MTBP: variants seen among roughly 807,000 people sequenced by gnomAD.
MTBP encodes MDM2 binding protein, also known as mdm2-binding protein.
In MTBP, 101 loss-of-function variants were observed where a neutral mutation model predicts 117.0. That is an observed-to-expected ratio of 0.86 (90% CI 0.73 to 1.02). MTBP has a LOEUF of 1.02. MTBP is among the 50% of genes least tolerant of loss of function. The probability of loss-of-function intolerance (pLI) is 0.00; values close to 1 mark genes in which losing one functional copy is unlikely to be tolerated. For synonymous variants in MTBP, 350 were observed against 351.5 expected (o/e 1.00, Z 0.05); for missense variants, 970 against 1,030.9 (o/e 0.94, Z 0.81).
intron 16 of MTBP, among the ~76,000 whole-genome samples, chr8:120,507,882 A>G (rs1310345403): frequency 6.6e-6 from 1 of 152,102 alleles, no homozygotes; most frequent in Non-Finnish European, 1.5e-5. Context: ...GTTTTCATCT[A>G]TTTAGTTATT....
At chr8:120,465,420 A>G (rs1211212805) in intron 10 of MTBP, among the ~76,000 whole-genome samples, 1 of 152,172 alleles carries the variant, frequency 6.6e-6, no homozygotes, top group Non-Finnish European at 1.5e-5. Context: ...CAGAGTTGTA[A>G]TAAAAACCAA....
chr8:120,447,515 C>G (rs1172635504), intron 2 of MTBP, among the ~76,000 whole-genome samples: 1 of 151,890 alleles, frequency 6.6e-6, no homozygotes, highest in African/African-American at 2.4e-5. Context: ...TTTTACTTCC[C>G]CCTTGCGTGT....
chr8:120,506,702 C>T lies in MTBP; in HGVS notation c.1728-4C>T, dbSNP rs1814693375. The T allele has an allele frequency of 3.1e-6, 5 of 1,589,988 alleles. No individual in the cohort carries two copies. Among genetic ancestry groups the T allele is most frequent in the African/African-American group, 1.4e-5 (1 of 73,650 alleles). On this transcript the variant is annotated splice_region_variant and splice_polypyrimidine_tract_variant and intron_variant, in intron 15 of 21. Coordinates refer to ENST00000305949, the MANE Select transcript of MTBP (RefSeq NM_022045.5). ...AATAAATCTGCATAACATTATTTTC[C>T]CAGAACTGGTTCATTACCTCATTCA...
chr8:120,454,672 T>A (rs1422799768), intron 5 of MTBP, among the ~76,000 whole-genome samples: 1 of 152,006 alleles, frequency 6.6e-6, no homozygotes, highest in African/African-American at 2.4e-5. Flanking sequence ...TTCAAGGAGA[T>A]CATATATTAG....
chr8:120,462,009 A>G (rs778431544), intron 9 of MTBP, among the ~76,000 whole-genome samples: 1 of 152,142 alleles, frequency 6.6e-6, no homozygotes, highest in African/African-American at 2.4e-5. Context: ...CCAGCTGAGA[A>G]CTGTTTGTAG....
At chr8:120,446,152 TG>T (rs1813222685) in intron 1 of MTBP, among the ~76,000 whole-genome samples, 1 of 152,232 alleles carries the variant, frequency 6.6e-6, no homozygotes, top group South Asian at 2.1e-4. Context: ...TATGTGGTTG[TG>T]TATAAGGTAT....
chr8:120,473,221 A>T (rs1405550034), intron 11 of MTBP: 1 of 151,910 alleles, frequency 6.6e-6, no homozygotes, highest in Non-Finnish European at 1.5e-5. Context: ...TGTTATTTTT[A>T]AATTTTTTTT....
intron 10 of MTBP, among the ~76,000 whole-genome samples, chr8:120,465,711 G>T (rs892010735): frequency 2.0e-4 from 29 of 145,692 alleles, no homozygotes; most frequent in African/African-American, 6.9e-4. Flanking sequence ...CCAGGCTGGA[G>T]AGCAGTGGCG....
chr8:120,490,335 G>C, intron 12 of MTBP, 128 bp from the exon 13 acceptor site: 1 of 617,104 alleles, frequency 1.6e-6, no homozygotes, highest in Non-Finnish European at 2.8e-6. Flanking sequence ...ATGTAAGGTC[G>C]AGAGAGGTGA....
At chr8:120,489,251 A>G (rs1814290362) in intron 12 of MTBP, among the ~76,000 whole-genome samples, 1 of 151,854 alleles carries the variant, frequency 6.6e-6, no homozygotes, top group African/African-American at 2.4e-5. Context: ...GTTGGACAGG[A>G]TGGTCTCGAT....
rs530598801 is a variant in MTBP, at chr8:120,448,949, C to T, written c.200-2054C>T. Reference sequence around the variant, plus strand: ...ATTTAGAGGATTTTGTAAATAGTGTCAGGGTGTTTGGATTTTTTCCTAATG... The same window carrying T: ...ATTTAGAGGATTTTGTAAATAGTGTTAGGGTGTTTGGATTTTTTCCTAATG... On this transcript the variant is annotated intron_variant, in intron 2 of 21. Coordinates refer to ENST00000305949, the MANE Select transcript of MTBP (RefSeq NM_022045.5). Among the ~76,000 whole-genome samples, 12 of 152,174 alleles carry T rather than the reference C, an allele frequency of 7.9e-5. No individual in the cohort carries two copies. The South Asian group carries it at 2.5e-3, about 32-fold the overall frequency.
chr8:120,463,551 C>T lies in MTBP; in HGVS notation c.978-141C>T, dbSNP rs768862210. ...AAAAATACTTATCCTTAGGGAAAGG[C>T]GTAATTGTTAACTGCTACAGTTAAA... On this transcript the variant is annotated intron_variant, in intron 9 of 21. Coordinates refer to ENST00000305949, the MANE Select transcript of MTBP (RefSeq NM_022045.5). The T allele has an allele frequency of 1.2e-5, 7 of 585,674 alleles. No individual in the cohort carries two copies. The South Asian group carries it at 1.7e-4, about 15-fold the overall frequency. 36.3% of individuals were successfully genotyped at this position (585,674 alleles called of 1,614,324 possible).
intron 11 of MTBP, among the ~76,000 whole-genome samples, chr8:120,477,272 C>T (rs1813962589): frequency 6.6e-6 from 1 of 151,984 alleles, no homozygotes; most frequent in African/African-American, 2.4e-5. Flanking sequence ...TAAAGACTTA[C>T]ACATAAGACC....
At chr8:120,460,353 T>A (rs1355313067) in intron 8 of MTBP, among the ~76,000 whole-genome samples, 2 of 152,132 alleles carry the variant, frequency 1.3e-5, no homozygotes, top group African/African-American at 2.4e-5. Context: ...ATTCATATTC[T>A]CTCTCTGTAT....
At chr8:120,504,183 T>C (rs1318858131) in intron 15 of MTBP, among the ~76,000 whole-genome samples, 1 of 152,064 alleles carries the variant, frequency 6.6e-6, no homozygotes, top group African/African-American at 2.4e-5. Context: ...TGTTTATAGG[T>C]TAGGCAGGAG....
chr8:120,504,106 G>GAGTT (rs578135341), intron 15 of MTBP, among the ~76,000 whole-genome samples: 482 of 152,258 alleles, frequency 3.2e-3, no homozygotes, highest in Admixed American at 7.5e-3. Flanking sequence ...GATGGTTGAT[G>GAGTT]AGTTACATGG....
At position 120,516,018 on chromosome 8, in the gene MTBP, C is replaced by T. The variant is rs1386893570; in HGVS notation, c.2073C>T (p.Cys691=). ...RLIRYETQTT[C]TRESFPVPTV... ...TTCGTTATGAAACTCAAACTACCTG[C>T]ACCAGAGAAAGTTTTCCAGTACCTA... The change falls in exon 18 of 22, where the codon TGC becomes TGT. Residue 691 remains cysteine, a synonymous_variant. Transcript: ENST00000305949. The T allele has an allele frequency of 1.2e-6, 2 of 1,612,934 alleles. No individual in the cohort carries two copies. The highest frequency in any genetic ancestry group is 2.7e-5 in the African/African-American group (2 of 74,856).
intron 13 of MTBP, among the ~76,000 whole-genome samples, chr8:120,492,989 A>G (rs1335358900): frequency 1.3e-5 from 2 of 152,198 alleles, no homozygotes; most frequent in African/African-American, 2.4e-5. Context: ...AAGACTGTTC[A>G]GTATGATGCA....
At position 120,496,687 on chromosome 8, in the gene MTBP, C is replaced by T. The variant is rs188180598; in HGVS notation, c.1448-706C>T. On this transcript the variant is annotated intron_variant, in intron 13 of 21. Coordinates refer to ENST00000305949, the MANE Select transcript of MTBP (RefSeq NM_022045.5). ...AACACCAGCCTCAATACTATCTTTT[C>T]GTATACCTGATGTTCCATACAAAAA... Among the ~76,000 whole-genome samples the T allele has an allele frequency of 3.0e-3, 441 of 147,084 alleles. 2 individuals are homozygous for T. Among genetic ancestry groups the T allele is most frequent in the African/African-American group, 0.01 (421 of 40,302 alleles).
Sources: allele counts gnomAD v4.1 joint callset (sites outside exome capture counted in the v4.1 genomes callset), GRCh38; gene constraint gnomAD v4.1.1; transcripts MANE v1.5; gene names NCBI Gene and HGNC (gene_info 2026-07-23, HGNC 2026-07-21).